RILPL1: variants seen among roughly 807,000 people sequenced by gnomAD.
The protein encoded by RILPL1 is RILP-like protein 1.
In RILPL1, 33 loss-of-function variants were observed where a neutral mutation model predicts 50.3. The ratio of observed to expected loss-of-function variants is 0.66; its 90% CI spans 0.50 to 0.88. The LOEUF (loss-of-function observed/expected upper bound fraction) is 0.88, where lower values mean the gene tolerates loss of function less well. Among genes scored for constraint, RILPL1 ranks in the 40% least tolerant of loss-of-function variants. The probability of loss-of-function intolerance (pLI) is 0.00; values close to 1 mark genes in which losing one functional copy is unlikely to be tolerated. For missense variants in RILPL1, 418 were observed against 542.5 expected, an observed-to-expected ratio of 0.77 and a Z score of 2.28; for synonymous variants, 205 against 228.6, an observed-to-expected ratio of 0.90 and a Z score of 0.93.
At chr12:123,505,715 T>C (rs958745509) in intron 2 of RILPL1, among the ~76,000 whole-genome samples, 1 of 152,142 alleles carries the variant, frequency 6.6e-6, no homozygotes, top group Admixed American at 6.6e-5. Flanking sequence ...CTCTGCCTCC[T>C]GGGCTTAAGT....
intron 1 of RILPL1, among the ~76,000 whole-genome samples, chr12:123,529,664 G>A (rs930464184): frequency 3.3e-5 from 5 of 151,848 alleles, no homozygotes; most frequent in African/African-American, 7.3e-5. Flanking sequence ...CAAGACAGGA[G>A]GACTGCTTGA....
At position 123,491,085 on chromosome 12, in the gene RILPL1, A is replaced by G. The variant is rs1171509107; in HGVS notation, c.802-5280T>C. Among the ~76,000 whole-genome samples, 5 of 152,236 alleles carry G rather than the reference A, an allele frequency of 3.3e-5. No individual in the cohort carries two copies. Among genetic ancestry groups the G allele is most frequent in the Non-Finnish European group, 5.9e-5 (4 of 68,040 alleles). ...TACTATTGCCTGAAAGTACAGGCAG[A>G]AGGACAGCCCTGGGCTCCAGCTTCT... On this transcript the variant is annotated intron_variant, in intron 4 of 6. Transcript: ENST00000376874. This position sits in a 1 kb window ranked among gnomAD's most constrained non-coding sequence, Gnocchi z 4.0.
intron 1 of RILPL1, among the ~76,000 whole-genome samples, chr12:123,524,817 T>G (rs1453649886): frequency 6.6e-6 from 1 of 152,076 alleles, no homozygotes; most frequent in Admixed American, 6.6e-5. Context: ...GAGTTTCTTT[T>G]GGGGGGTGAT....
rs376089832 is a variant in RILPL1, at chr12:123,485,751, G to C, written c.856C>G (p.Leu286Val). 6.2e-7 allele frequency: 1 copy of C among 1,612,858 alleles called. No individual in the cohort carries two copies. Among genetic ancestry groups the C allele is most frequent in the Non-Finnish European group, 8.5e-7 (1 of 1,179,414 alleles). The change falls in exon 5 of 7, where the codon CTC becomes GTC. Residue 286 changes from leucine (L) to valine (V), a missense_variant. Transcript: ENST00000376874. This position sits in a 1 kb window ranked among gnomAD's most constrained non-coding sequence, Gnocchi z 4.0. Reference protein sequence around the residue: ...ISDAEKVAMDLKDPNRPRFTL... With the variant: ...ISDAEKVAMDVKDPNRPRFTL... ...AACCGGGGGCGGTTGGGGTCCTTGAGATCCATGGCCACCTTCTCTGCGTCG... is the reference window on the plus strand; with the variant it reads ...AACCGGGGGCGGTTGGGGTCCTTGACATCCATGGCCACCTTCTCTGCGTCG...
At chr12:123,510,419 T>C (rs1007305831) in intron 2 of RILPL1, among the ~76,000 whole-genome samples, 3 of 148,888 alleles carry the variant, frequency 2.0e-5, no homozygotes, top group African/African-American at 7.5e-5. Context: ...CAATGTGAGG[T>C]CTGTGTCTGG....
intron 6 of RILPL1, chr12:123,473,443 A>T (rs1439151068): frequency 1.3e-5 from 2 of 152,198 alleles, no homozygotes; most frequent in Non-Finnish European, 2.9e-5. Context: ...TGAATCTGGG[A>T]GGCGGAGGTT....
At chr12:123,483,894 A>G (rs918449707) in intron 6 of RILPL1, among the ~76,000 whole-genome samples, 5 of 151,316 alleles carry the variant, frequency 3.3e-5, no homozygotes. Context: ...GATGCACCCC[A>G]CCCCCATGAA....
chr12:123,530,847 G>C (rs1005678804), intron 1 of RILPL1, among the ~76,000 whole-genome samples: 1 of 152,228 alleles, frequency 6.6e-6, no homozygotes, highest in African/African-American at 2.4e-5. Flanking sequence ...TGCAGACTGA[G>C]TAATGAGACA....
chr12:123,505,001 T>C (rs894956786), intron 2 of RILPL1, among the ~76,000 whole-genome samples: 1 of 152,086 alleles, frequency 6.6e-6, no homozygotes, highest in Non-Finnish European at 1.5e-5. Context: ...TTTGCATATG[T>C]GTACCCCCAT....
intron 1 of RILPL1, among the ~76,000 whole-genome samples, chr12:123,528,848 G>A (rs1885355025): frequency 6.6e-6 from 1 of 152,032 alleles, no homozygotes; most frequent in South Asian, 2.1e-4. Flanking sequence ...TCGCCTCTGA[G>A]TTGACCACTC....
chr12:123,521,595 AT>A (rs1885022382), intron 2 of RILPL1, among the ~76,000 whole-genome samples: 16 of 21,512 alleles, frequency 7.4e-4, no homozygotes, highest in Non-Finnish European at 2.8e-4. Context: ...GTATATATAT[AT>A]TAATATATAT....
At chr12:123,505,420 C>G (rs545325360) in intron 2 of RILPL1, among the ~76,000 whole-genome samples, 2 of 152,248 alleles carry the variant, frequency 1.3e-5, no homozygotes, top group East Asian at 3.9e-4. Flanking sequence ...ACCTCCCAGG[C>G]TCAAGTGATT....
At chr12:123,517,687 G>A (rs1884786398) in intron 2 of RILPL1, among the ~76,000 whole-genome samples, 1 of 152,170 alleles carries the variant, frequency 6.6e-6, no homozygotes, top group Non-Finnish European at 1.5e-5. Flanking sequence ...CTCCCAAAGT[G>A]CTGGGATGAC....
Position 123,522,799 on chromosome 12 carries a change from C to T in RILPL1, c.460+696G>A, listed in dbSNP as rs1011723100. On this transcript the variant is annotated intron_variant, in intron 2 of 6. Coordinates refer to ENST00000376874, the MANE Select transcript of RILPL1 (RefSeq NM_178314.5). This position sits in a 1 kb window ranked among gnomAD's most constrained non-coding sequence, Gnocchi z 4.0. ...GTTAGTAGAGACGGGGTCTATGTTG[C>T]CCAGGCTGGTCTCAAACTCCTGGCT... is the stretch of plus-strand genomic sequence containing the variant. 6.6e-6 allele frequency among the ~76,000 whole-genome samples: 1 copy of T among 152,022 alleles called. No homozygotes were observed. Among genetic ancestry groups the T allele is most frequent in the East Asian group, 1.9e-4 (1 of 5,184 alleles).
intron 2 of RILPL1, among the ~76,000 whole-genome samples, chr12:123,515,686 G>A (rs372425075): frequency 1.3e-5 from 2 of 151,384 alleles, no homozygotes; most frequent in South Asian, 2.1e-4. Context: ...TCTTCACCCC[G>A]TGATCCGCCC....
In RILPL1 at chr12:123,471,841, G is replaced by A. The variant is rs748372235; in HGVS notation, c.*697C>T. ...GCAACATCTCATCCTTAGCAACTTTGTTTGGTTAGTACTGCATAACTCACA... is the reference window on the plus strand; with the variant it reads ...GCAACATCTCATCCTTAGCAACTTTATTTGGTTAGTACTGCATAACTCACA... On this transcript the variant is annotated 3_prime_UTR_variant, in exon 7 of 7. Transcript: ENST00000376874. 2 of 152,644 alleles carry A rather than the reference G, an allele frequency of 1.3e-5. No individual in the cohort carries two copies. The highest frequency in any genetic ancestry group is 2.9e-5 in the Non-Finnish European group (2 of 68,052). 9.5% of individuals were successfully genotyped at this position (152,644 alleles called of 1,614,324 possible).
intron 1 of RILPL1, among the ~76,000 whole-genome samples, chr12:123,526,680 T>C (rs1405726947): frequency 6.6e-6 from 1 of 152,210 alleles, no homozygotes; most frequent in Non-Finnish European, 1.5e-5. Context: ...ACCTCCTTTG[T>C]CAGAAGCCTG....
rs936028599 is a variant in RILPL1 at position 123,485,889 on chromosome 12, C to G, written c.802-84G>C. The G allele has an allele frequency of 1.4e-5, 19 of 1,398,120 alleles. No individual in the cohort carries two copies. The highest frequency in any genetic ancestry group is 1.6e-5 in the Non-Finnish European group (17 of 1,056,270). The allele number at this position is 1,398,120 out of a possible 1,614,324, so 86.6% of individuals were successfully genotyped here. The stretch of plus-strand genomic sequence containing the variant: ...TCTATCCTGAAGGAGCCCAAATTCT[C>G]CCCCTCCCGGGGTGCCAGCAGCCTG... On this transcript the variant is annotated intron_variant, in intron 4 of 6. Transcript: ENST00000376874. The surrounding 1 kb of genome is among the most constrained non-coding windows in gnomAD (Gnocchi z 4.0).
chr12:123,475,230 T>C (rs914497808), intron 6 of RILPL1: 12 of 185,124 alleles, frequency 6.5e-5, no homozygotes, highest in Admixed American at 3.2e-4. Context: ...CCTCTGCCTT[T>C]CTTTTTAAAA....
Sources: allele counts gnomAD v4.1 joint callset (sites outside exome capture counted in the v4.1 genomes callset), GRCh38; gene constraint gnomAD v4.1.1; non-coding constraint Gnocchi (gnomAD v3.1); transcripts MANE v1.5; gene names NCBI Gene and HGNC (gene_info 2026-07-23, HGNC 2026-07-21).